ACSBG1: variants seen among roughly 807,000 people sequenced by gnomAD.
ACSBG1 encodes long-chain-fatty-acid--CoA ligase ACSBG1.
A neutral mutation model predicts 80.2 loss-of-function variants in ACSBG1; 39 were observed. That is an observed-to-expected ratio of 0.49 (90% confidence interval 0.38 to 0.64). The LOEUF (loss-of-function observed/expected upper bound fraction) is 0.64. Among genes scored for constraint, ACSBG1 ranks in the 30% least tolerant of loss-of-function variants. The pLI, the probability that ACSBG1 is intolerant of heterozygous loss-of-function variation, is 0.00. For synonymous variants in ACSBG1, 392 were observed against 379.5 expected (o/e 1.03, Z -0.38); for missense variants, 828 against 966.4 (o/e 0.86, Z 1.90).
chr15:78,215,520 G>C (rs1441016205), intron 1 of ACSBG1, among the ~76,000 whole-genome samples: 1 of 152,134 alleles, frequency 6.6e-6, no homozygotes, highest in Non-Finnish European at 1.5e-5. Context: ...GCTGGGCGTG[G>C]TGGTGCATGC....
rs763501280 is a variant in ACSBG1, at chr15:78,171,494, C to G, written c.2125G>C (p.Glu709Gln). The G allele has an allele frequency of 6.2e-7, 1 of 1,614,160 alleles. No individual in the cohort carries two copies. Among genetic ancestry groups the G allele is most frequent in the Non-Finnish European group, 8.5e-7 (1 of 1,180,012 alleles). ...GAGTCAATGATACCTTTGTACTTCT[C>G]CAAAACTGTGAGCCGTTTCAGTTTC... ...TMKLKRLTVLEKYKGIIDSFY... is the reference protein window; with the variant it reads ...TMKLKRLTVLQKYKGIIDSFY... The change falls in exon 14 of 14, where the codon GAG becomes CAG. Residue 709 changes from glutamate (E) to glutamine (Q), a missense_variant. This residue lies in a region of ACSBG1 where 201 missense variants were observed against 227.0 expected (regional missense o/e 0.89). Transcript: ENST00000258873.
intron 2 of ACSBG1, among the ~76,000 whole-genome samples, chr15:78,206,874 C>T (rs555121812): frequency 3.3e-5 from 5 of 152,348 alleles, no homozygotes; most frequent in Middle Eastern, 6.8e-3. Context: ...GAGCCTCCCC[C>T]ACAAATGGCT....
At chr15:78,225,424 T>TAAATAAATAAATAAAA (rs2075392114) in intron 1 of ACSBG1, among the ~76,000 whole-genome samples, 1 of 149,854 alleles carries the variant, frequency 6.7e-6, no homozygotes, top group South Asian at 2.1e-4. Flanking sequence ...AATAAATAAA[T>TAAATAAATAAATAAAA]AAATAAATAA....
intron 5 of ACSBG1, among the ~76,000 whole-genome samples, chr15:78,187,479 A>G (rs1450253392): frequency 6.6e-6 from 1 of 152,226 alleles, no homozygotes; most frequent in Non-Finnish European, 1.5e-5. Flanking sequence ...ATCCACCATG[A>G]TCAAGTGGGC....
At position 78,173,824 on chromosome 15, in the gene ACSBG1, C is replaced by G; in HGVS notation, c.1858G>C (p.Asp620His). ...AGATTATCAGTCTGGTCAGAGGTGT[C>G]TGGGTCCAGAGTGCACTGAAAAGCC... ...LLTLKCTLDP[D>H]TSDQTDNLTE... The change falls in exon 13 of 14, where the codon GAC becomes CAC. Residue 620 changes from aspartate to histidine, a missense_variant. This residue lies in a region of ACSBG1 where 201 missense variants were observed against 227.0 expected (regional missense o/e 0.89). Transcript: ENST00000258873. 1 of 1,613,944 alleles carries G rather than the reference C, an allele frequency of 6.2e-7. No homozygotes were observed. The highest frequency in any genetic ancestry group is 8.5e-7 in the Non-Finnish European group (1 of 1,179,976).
intron 1 of ACSBG1, among the ~76,000 whole-genome samples, chr15:78,218,904 C>A (rs1177694487): frequency 6.6e-6 from 1 of 150,888 alleles, no homozygotes; most frequent in Non-Finnish European, 1.5e-5. Flanking sequence ...CTCTGCCTGC[C>A]GGGTTCAAGA....
intron 4 of ACSBG1, 42 bp downstream of exon 4, chr15:78,193,890 T>C: frequency 6.2e-7 from 1 of 1,605,974 alleles, no homozygotes; most frequent in Non-Finnish European, 8.5e-7. Context: ...CTCTGCCCAC[T>C]GCCAACCCCC....
intron 1 of ACSBG1, among the ~76,000 whole-genome samples, chr15:78,216,086 C>T (rs930060272): frequency 2.6e-5 from 4 of 152,180 alleles, no homozygotes; most frequent in Non-Finnish European, 4.4e-5. Flanking sequence ...ACATAATGGA[C>T]TGTCATGAAA....
chr15:78,231,303 A>G (rs1473890416), intron 1 of ACSBG1, among the ~76,000 whole-genome samples: 1 of 135,326 alleles, frequency 7.4e-6, no homozygotes, highest in Non-Finnish European at 1.6e-5. Context: ...TTTTTTTTGT[A>G]TTTTTTTAGT....
intron 8 of ACSBG1, 94 bp from the exon 9 acceptor site, chr15:78,181,030 A>G: frequency 6.9e-7 from 1 of 1,456,870 alleles, no homozygotes; most frequent in East Asian, 2.4e-5. Context: ...TGGCACACAC[A>G]TGCTCCAACG....
chr15:78,221,550 C>T (rs530449979), intron 1 of ACSBG1, among the ~76,000 whole-genome samples: 4 of 152,236 alleles, frequency 2.6e-5, no homozygotes, highest in East Asian at 1.9e-4. Flanking sequence ...CAGGGACATA[C>T]GGGAAACAGA....
chr15:78,190,682 G>T (rs1385758272), intron 5 of ACSBG1, among the ~76,000 whole-genome samples: 1 of 152,108 alleles, frequency 6.6e-6, no homozygotes. Context: ...GACGACAGCT[G>T]AAAGGATGGG....
At chr15:78,192,822 T>G (rs528532913) in intron 5 of ACSBG1, among the ~76,000 whole-genome samples, 1 of 152,178 alleles carries the variant, frequency 6.6e-6, no homozygotes, top group South Asian at 2.1e-4. Flanking sequence ...AGCCAACAAG[T>G]CAGTCTCTGA....
At chr15:78,231,128 T>C (rs1259180173) in intron 1 of ACSBG1, among the ~76,000 whole-genome samples, 1 of 152,156 alleles carries the variant, frequency 6.6e-6, no homozygotes, top group Non-Finnish European at 1.5e-5. Context: ...TAATTTTTTT[T>C]TCTTTTTTTG....
chr15:78,211,555 C>T (rs1439919686), intron 1 of ACSBG1, among the ~76,000 whole-genome samples: 3 of 152,244 alleles, frequency 2.0e-5, no homozygotes, highest in Non-Finnish European at 4.4e-5. Flanking sequence ...AAGCTCATCG[C>T]CTTGCTCTCC....
intron 2 of ACSBG1, among the ~76,000 whole-genome samples, chr15:78,200,006 C>G (rs575796292): frequency 1.3e-5 from 2 of 152,092 alleles, no homozygotes; most frequent in Non-Finnish European, 1.5e-5. Flanking sequence ...CCCTCCTTCT[C>G]GGTTTAGATT....
In ACSBG1 at chr15:78,193,999, T is replaced by A. The variant is rs773946281; in HGVS notation, c.475A>T (p.Ser159Cys). The change falls in exon 4 of 14, where the codon AGT (serine) becomes TGT (cysteine). Residue 159 changes from serine to cysteine, a missense_variant. This residue lies in a region of ACSBG1 where 356 missense variants were observed against 363.5 expected (regional missense o/e 0.98). Coordinates refer to ENST00000258873, the MANE Select transcript of ACSBG1 (RefSeq NM_015162.5). ...FLKLGLKQAH[S>C]VAILGFNSPE... is the part of the protein sequence containing the mutation. Reference sequence around the variant, plus strand: ...GAGTTGAAGCCGAGGATGGCCACACTGTGGGCCTGCTTCAGGCCGAGCTCC... The same window carrying A: ...GAGTTGAAGCCGAGGATGGCCACACAGTGGGCCTGCTTCAGGCCGAGCTCC... 1 of 1,613,842 alleles carries A rather than the reference T, an allele frequency of 6.2e-7. No individual in the cohort carries two copies. The highest frequency in any genetic ancestry group is 1.1e-5 in the South Asian group (1 of 91,074).
chr15:78,191,821 G>A (rs1210029927), intron 5 of ACSBG1, among the ~76,000 whole-genome samples: 2 of 152,124 alleles, frequency 1.3e-5, no homozygotes, highest in Non-Finnish European at 2.9e-5. Flanking sequence ...ATCACCTATG[G>A]GGTGACATAA....
intron 2 of ACSBG1, among the ~76,000 whole-genome samples, chr15:78,206,219 T>C (rs905294014): frequency 6.6e-6 from 1 of 152,160 alleles, no homozygotes; most frequent in African/African-American, 2.4e-5. Flanking sequence ...CCTTTCTCTT[T>C]GTCACCAGCC....
Sources: allele counts gnomAD v4.1 joint callset (sites outside exome capture counted in the v4.1 genomes callset), GRCh38; gene constraint gnomAD v4.1.1; regional missense constraint gnomAD v4.1.1; transcripts MANE v1.5; gene names NCBI Gene and HGNC (gene_info 2026-07-23, HGNC 2026-07-21).